KIAA1958: variants seen among roughly 807,000 people sequenced by gnomAD.
KIAA1958 encodes the protein uncharacterized protein KIAA1958.
Under a neutral mutation model 47.2 loss-of-function variants are expected in KIAA1958, and 14 were observed. The observed-to-expected ratio is 0.30, with a 90% confidence interval of 0.20 to 0.46. KIAA1958 has a LOEUF of 0.46. Ranked by LOEUF, KIAA1958 falls within the 20% of genes least tolerant of loss-of-function variation. KIAA1958 has a pLI of 1.00. For missense variants in KIAA1958, 803 were observed against 909.2 expected (o/e 0.88, Z 1.50); for synonymous variants, 354 against 353.3 (o/e 1.00, Z -0.02).
rs116855463 is a variant in KIAA1958 at position 112,632,892 on chromosome 9, T to C, written c.1172-12758T>C. 2.5e-4 allele frequency among the ~76,000 whole-genome samples: 36 copies of C among 145,606 alleles called. 1 individual carries two copies. The East Asian group carries it at 6.3e-3, about 25-fold the overall frequency. On this transcript the variant is annotated intron_variant, in intron 2 of 3. Coordinates refer to ENST00000337530, the MANE Select transcript of KIAA1958 (RefSeq NM_133465.4). ...ATCCCCAAATCATGAAAATCTGTCT[T>C]CTTTATGGAAACAGCCTTTTTTTTT...
chr9:112,509,621 G>A (rs887729450), intron 1 of KIAA1958, among the ~76,000 whole-genome samples: 1 of 152,180 alleles, frequency 6.6e-6, no homozygotes, highest in Non-Finnish European at 1.5e-5. Flanking sequence ...AAAGGATTAT[G>A]GATGTTGAAA....
Position 112,518,687 on chromosome 9 carries a change from T to TTG in KIAA1958, c.-25+31569_-25+31570insTG, listed in dbSNP as rs777645606. On this transcript the variant is annotated intron_variant, in intron 1 of 3. Transcript: ENST00000337530. ...TGGCTATTTATTACATGTCAAAACT[T>TTG]ATCAAATTGTACATTTAAAATATGT... Among the ~76,000 whole-genome samples the TTG allele has an allele frequency of 8.4e-4, 128 of 152,200 alleles. 1 individual carries two copies. Among genetic ancestry groups the TTG allele is most frequent in the Non-Finnish European group, 3.5e-4 (24 of 68,030 alleles).
chr9:112,654,693 CAAA>C (rs35961310), intron 3 of KIAA1958, among the ~76,000 whole-genome samples: 7 of 111,790 alleles, frequency 6.3e-5, no homozygotes, highest in Admixed American at 9.2e-5. Flanking sequence ...CATAAAAATC[CAAA>C]AAAAAAAAAA....
chr9:112,654,267 C>T (rs551257092), intron 3 of KIAA1958, among the ~76,000 whole-genome samples: 2 of 152,150 alleles, frequency 1.3e-5, no homozygotes, highest in Non-Finnish European at 2.9e-5. Flanking sequence ...ACTCAGCACC[C>T]CTTATTCAGG....
chr9:112,563,827 G>A (rs1835379094), intron 1 of KIAA1958, among the ~76,000 whole-genome samples: 1 of 152,038 alleles, frequency 6.6e-6, no homozygotes, highest in Non-Finnish European at 1.5e-5. Flanking sequence ...AAAGGAAATA[G>A]TTGTCTTTTA....
chr9:112,510,524 C>T (rs1834308692), intron 1 of KIAA1958, among the ~76,000 whole-genome samples: 2 of 152,178 alleles, frequency 1.3e-5, no homozygotes, highest in Non-Finnish European at 2.9e-5. Context: ...TCTGCTTGAG[C>T]CTGCCACTCC....
At chr9:112,517,897 TAA>T (rs780007653) in intron 1 of KIAA1958, among the ~76,000 whole-genome samples, 12 of 152,234 alleles carry the variant, frequency 7.9e-5, no homozygotes, top group Non-Finnish European at 1.6e-4. Flanking sequence ...TGGCTAGAAT[TAA>T]AAAGTCTGAC....
At chr9:112,545,370 T>A (rs1006960597) in intron 1 of KIAA1958, among the ~76,000 whole-genome samples, 1 of 152,178 alleles carries the variant, frequency 6.6e-6, no homozygotes, top group Admixed American at 6.5e-5. Context: ...ATGTATGAAC[T>A]TAGGTACTTG....
At chr9:112,538,298 G>T (rs1483205035) in intron 1 of KIAA1958, among the ~76,000 whole-genome samples, 1 of 152,138 alleles carries the variant, frequency 6.6e-6, no homozygotes, top group East Asian at 1.9e-4. Context: ...GCTGCAGTGA[G>T]CCTTGGTTGT....
chr9:112,584,808 G>A (rs2593684), intron 2 of KIAA1958, among the ~76,000 whole-genome samples: 45,528 of 152,060 alleles, frequency 0.3, 7,096 homozygotes, highest in Middle Eastern at 0.4. Context: ...AGTTATGACG[G>A]GTGAGAGGGA....
At chr9:112,516,138 TA>T (rs1401652772) in intron 1 of KIAA1958, among the ~76,000 whole-genome samples, 10 of 152,116 alleles carry the variant, frequency 6.6e-5, no homozygotes, top group African/African-American at 2.2e-4. Context: ...TAGAACTAAT[TA>T]ATCAATTTTG....
chr9:112,588,926 A>G (rs1490307705), intron 2 of KIAA1958, among the ~76,000 whole-genome samples: 1 of 151,872 alleles, frequency 6.6e-6, no homozygotes, highest in Non-Finnish European at 1.5e-5. Context: ...AATTGCTGAA[A>G]ATTTCTTTCC....
intron 1 of KIAA1958, among the ~76,000 whole-genome samples, chr9:112,502,819 T>G (rs1834165993): frequency 6.6e-6 from 1 of 152,364 alleles, no homozygotes; most frequent in South Asian, 2.1e-4. Flanking sequence ...AAAAGTTTGC[T>G]GACCCCTGCA....
At chr9:112,516,524 T>G (rs1166216136) in intron 1 of KIAA1958, among the ~76,000 whole-genome samples, 1 of 152,230 alleles carries the variant, frequency 6.6e-6, no homozygotes, top group Non-Finnish European at 1.5e-5. Flanking sequence ...AGATTGATAG[T>G]TTTCCTCAAC....
chr9:112,572,214 C>T (rs893982296), intron 1 of KIAA1958, among the ~76,000 whole-genome samples: 15 of 152,230 alleles, frequency 9.9e-5, no homozygotes, highest in African/African-American at 3.4e-4. Flanking sequence ...TGTCTAATCC[C>T]TTGAATGATT....
At chr9:112,500,144 G>A (rs1286778072) in intron 1 of KIAA1958, among the ~76,000 whole-genome samples, 9 of 151,328 alleles carry the variant, frequency 5.9e-5, no homozygotes, top group Admixed American at 2.0e-4. Flanking sequence ...CTCTGTCGCC[G>A]AGCCTGGAGT....
chr9:112,624,572 T>A (rs1836572061), intron 2 of KIAA1958, among the ~76,000 whole-genome samples: 1 of 152,224 alleles, frequency 6.6e-6, no homozygotes, highest in Non-Finnish European at 1.5e-5. Context: ...TACCAAGAAC[T>A]CTAATTTTAC....
intron 1 of KIAA1958, among the ~76,000 whole-genome samples, chr9:112,524,268 C>A (rs1163274630): frequency 6.6e-6 from 1 of 152,174 alleles, no homozygotes; most frequent in Non-Finnish European, 1.5e-5. Context: ...CTGAGAAAAC[C>A]AAAGCATGGG....
At chr9:112,498,663 T>C (rs117466210) in intron 1 of KIAA1958, among the ~76,000 whole-genome samples, 138 of 152,316 alleles carry the variant, frequency 9.1e-4, no homozygotes, top group Non-Finnish European at 1.7e-3. Flanking sequence ...CTACGTGTTT[T>C]TGGGATACAG....
Sources: allele counts gnomAD v4.1 joint callset (sites outside exome capture counted in the v4.1 genomes callset), GRCh38; gene constraint gnomAD v4.1.1; transcripts MANE v1.5; gene names NCBI Gene and HGNC (gene_info 2026-07-23, HGNC 2026-07-21).